Variants in ACACA observed in about 807,000 individuals in gnomAD.
The protein encoded by ACACA is acetyl-CoA carboxylase 1.
ACACA carries 103 observed loss-of-function variants against 296.1 expected under a neutral mutation model. The observed-to-expected ratio is 0.35, with a 90% confidence interval of 0.30 to 0.41. The LOEUF (loss-of-function observed/expected upper bound fraction) is 0.41. ACACA is among the 10% of genes least tolerant of loss of function. The pLI is 1.00. For missense variants in ACACA, 1,554 were observed against 2,989.7 expected (o/e 0.52, Z 11.20); for synonymous variants, 953 against 1,038.6 (o/e 0.92, Z 1.58).
Position 37,402,643 on chromosome 17 carries a change from T to G in ACACA, c.38+3619A>C, listed in dbSNP as rs2051329864. On this transcript the variant is annotated intron_variant, in intron 1 of 55. Transcript: ENST00000616317. ...TTAGACTTTCAGTGAAAGCATAGAG[T>G]ATGTATCTTCTACATTTTGCCTAAG... Among the ~76,000 whole-genome samples the G allele has an allele frequency of 2.6e-5, 4 of 152,184 alleles. No individual in the cohort carries two copies. The South Asian group carries it at 8.3e-4, about 32-fold the overall frequency.
chr17:37,351,830 G>C (rs2048914844), intron 1 of ACACA, among the ~76,000 whole-genome samples: 1 of 152,020 alleles, frequency 6.6e-6, no homozygotes, highest in Non-Finnish European at 1.5e-5. Flanking sequence ...TAGGATTACA[G>C]ATGTGAGCCA....
At chr17:37,276,078 A>G (rs1231905804) in intron 7 of ACACA, 29 bp from the exon 8 acceptor site, 1 of 1,549,610 alleles carries the variant, frequency 6.5e-7, no homozygotes, top group South Asian at 1.1e-5. Context: ...AAGAATCCTG[A>G]CTGTAACACC....
At chr17:37,249,706 C>CA (rs1299657559) in intron 16 of ACACA, among the ~76,000 whole-genome samples, 1 of 152,110 alleles carries the variant, frequency 6.6e-6, no homozygotes, top group African/African-American at 2.4e-5. Flanking sequence ...GTTAAAAAAG[C>CA]AAGGTAAATA....
At chr17:37,383,991 C>T (rs578145808) in intron 1 of ACACA, among the ~76,000 whole-genome samples, 5 of 152,214 alleles carry the variant, frequency 3.3e-5, no homozygotes, top group African/African-American at 9.6e-5. Context: ...TAGAGCCGGG[C>T]GCGGTGTCTC....
intron 48 of ACACA, 34 bp from the exon 49 acceptor site, chr17:37,122,661 T>C (rs759946839): frequency 3.2e-6 from 5 of 1,551,390 alleles, no homozygotes; most frequent in East Asian, 2.2e-5. Flanking sequence ...GAACCCAATG[T>C]ATGTCAACAT....
intron 33 of ACACA, among the ~76,000 whole-genome samples, chr17:37,201,592 T>C (rs1175150125): frequency 6.8e-6 from 1 of 147,444 alleles, no homozygotes; most frequent in Non-Finnish European, 1.5e-5. Context: ...AAAAGACATG[T>C]GTTTAGAGGT....
intron 1 of ACACA, among the ~76,000 whole-genome samples, chr17:37,385,412 G>T (rs2050483231): frequency 1.3e-5 from 2 of 152,184 alleles, no homozygotes; most frequent in South Asian, 2.1e-4. Flanking sequence ...GGCAGAGGTT[G>T]CAGTGAGCTG....
chr17:37,376,010 T>C (rs1039496014), intron 1 of ACACA: 2 of 1,232,876 alleles, frequency 1.6e-6, no homozygotes, highest in African/African-American at 3.0e-5. Context: ...CTGCGTGTGG[T>C]GAAAGCAACT....
At chr17:37,192,339 A>T (rs916006265) in intron 36 of ACACA, 34 bp from the exon 37 acceptor site, 2 of 1,589,294 alleles carry the variant, frequency 1.3e-6, no homozygotes, top group Non-Finnish European at 1.7e-6. Flanking sequence ...AACAGCTCAC[A>T]AGAGGCAGTT....
At chr17:37,229,059 G>A (rs1038489090) in intron 25 of ACACA, among the ~76,000 whole-genome samples, 3 of 151,158 alleles carry the variant, frequency 2.0e-5, no homozygotes, top group Non-Finnish European at 3.0e-5. Context: ...CAGGAGAATG[G>A]TGTGAACCCG....
At chr17:37,191,770 T>C (rs2077761969) in intron 37 of ACACA, among the ~76,000 whole-genome samples, 1 of 152,166 alleles carries the variant, frequency 6.6e-6, no homozygotes, top group African/African-American at 2.4e-5. Context: ...GTGATTTTTC[T>C]GTTTGTATGC....
chr17:37,291,974 C>T lies in ACACA; in HGVS notation c.339-7004G>A, dbSNP rs148929552. Among the ~76,000 whole-genome samples, 1,056 of 151,606 alleles carry T rather than the reference C, an allele frequency of 7.0e-3. 7 individuals are homozygous for T. Among genetic ancestry groups the T allele is most frequent in the Middle Eastern group, 0.051 (15 of 294 alleles). ...TGAAGATACTAGAATGTTAATTTGACTGCTCTAAGAAGTAATTTTTTAACT... is the reference window on the plus strand; with the variant it reads ...TGAAGATACTAGAATGTTAATTTGATTGCTCTAAGAAGTAATTTTTTAACT... On this transcript the variant is annotated intron_variant, in intron 3 of 55. Coordinates refer to ENST00000616317, the MANE Select transcript of ACACA (RefSeq NM_198834.3).
At chr17:37,114,052 T>A (rs1053279401) in intron 50 of ACACA, among the ~76,000 whole-genome samples, 2 of 152,072 alleles carry the variant, frequency 1.3e-5, no homozygotes, top group Non-Finnish European at 2.9e-5. Flanking sequence ...CTGGGCATGG[T>A]GGTGCATGCC....
intron 21 of ACACA, 29 bp downstream of exon 21, chr17:37,244,559 A>G: frequency 6.2e-7 from 1 of 1,612,956 alleles, no homozygotes; most frequent in Non-Finnish European, 8.5e-7. Flanking sequence ...CCATTTGTAC[A>G]TCCCTTCCCC....
intron 1 of ACACA, chr17:37,366,886 G>A (rs2049625267): frequency 6.6e-6 from 1 of 152,128 alleles, no homozygotes. Flanking sequence ...TCAGGAGTTT[G>A]TGACCAGCAT....
chr17:37,217,983 G>A (rs75041965), intron 29 of ACACA, among the ~76,000 whole-genome samples: 1,609 of 151,894 alleles, frequency 0.011, 35 homozygotes, highest in African/African-American at 0.035. Context: ...AGTAAAATAT[G>A]TATGATTCAT....
At position 37,207,679 on chromosome 17, in the gene ACACA, G is replaced by A. The variant is rs144494055; in HGVS notation, c.3829C>T (p.Arg1277Trp). Residue 1277 changes from arginine (R) to tryptophan (W), a missense_variant, in exon 31 of 56, where the codon CGG becomes TGG. By Grantham distance (101) the Arg-to-Trp change is moderately radical (BLOSUM62 -3). Around this residue, in one of 16 missense-constraint regions of ACACA, gnomAD observed 179 missense variants for 283.2 expected, o/e 0.63. Coordinates refer to ENST00000616317, the MANE Select transcript of ACACA (RefSeq NM_198834.3). ...CQRMGGMVSFRTFEDFVRIFD... is the reference protein window; with the variant it reads ...CQRMGGMVSFWTFEDFVRIFD... ...TACCTGACAAAATCTTCAAAAGTCC[G>A]AAAAGAGACCATTCCGCCCATCCGC... 3.1e-4 allele frequency: 499 copies of A among 1,613,858 alleles called. No individual in the cohort carries two copies. The highest frequency in any genetic ancestry group is 3.8e-4 in the Non-Finnish European group (450 of 1,179,912).
At chr17:37,231,182 C>A (rs1282815591) in intron 25 of ACACA, among the ~76,000 whole-genome samples, 1 of 150,384 alleles carries the variant, frequency 6.6e-6, no homozygotes, top group African/African-American at 2.5e-5. Flanking sequence ...AGTTTGACAG[C>A]AGCCCAGGCA....
At chr17:37,139,237 G>A (rs2075459012) in intron 45 of ACACA, among the ~76,000 whole-genome samples, 1 of 152,188 alleles carries the variant, frequency 6.6e-6, no homozygotes, top group African/African-American at 2.4e-5. Flanking sequence ...TGTGTACAGA[G>A]CTAAGTGGGC....
Sources: allele counts gnomAD v4.1 joint callset (sites outside exome capture counted in the v4.1 genomes callset), GRCh38; gene constraint gnomAD v4.1.1; regional missense constraint gnomAD v4.1.1; transcripts MANE v1.5; gene names NCBI Gene and HGNC (gene_info 2026-07-23, HGNC 2026-07-21).